Variants in FBXO36 observed in about 807,000 individuals in gnomAD.
FBXO36 encodes F-box only protein 36.
In FBXO36, 18 loss-of-function variants were observed where a neutral mutation model predicts 17.0. The observed-to-expected ratio is 1.06, with a 90% CI of 0.73 to 1.57. The LOEUF is 1.57. FBXO36 is among the 40% of genes most tolerant of loss of function. The pLI is 0.00. For synonymous variants in FBXO36, 83 were observed against 85.3 expected, an observed-to-expected ratio of 0.97 and a Z score of 0.15; for missense variants, 229 against 221.9, an observed-to-expected ratio of 1.03 and a Z score of -0.20.
chr2:229,956,159 C>CTCGATGACTTAAACAATAGAAATGTATTT (rs2077086235), intron 1 of FBXO36, among the ~76,000 whole-genome samples: 1 of 152,220 alleles, frequency 6.6e-6, no homozygotes, highest in Non-Finnish European at 1.5e-5. Flanking sequence ...CTGCCATAGA[C>CTCGATGACTTAAACAATAGAAATGTATTT]TCGATGACTT....
chr2:229,941,512 G>A (rs2076998639), intron 1 of FBXO36, among the ~76,000 whole-genome samples: 1 of 152,004 alleles, frequency 6.6e-6, no homozygotes, highest in Admixed American at 6.6e-5. Context: ...ATATAGCTGT[G>A]GGGAGTAGCT....
At chr2:229,965,318 G>A (rs998180364) in intron 1 of FBXO36, among the ~76,000 whole-genome samples, 9 of 149,298 alleles carry the variant, frequency 6.0e-5, no homozygotes, top group Admixed American at 2.7e-4. Flanking sequence ...TTTTCCTGGC[G>A]TGAGGCATGA....
chr2:229,951,636 G>A (rs1184888609), intron 1 of FBXO36, among the ~76,000 whole-genome samples: 1 of 152,202 alleles, frequency 6.6e-6, no homozygotes, highest in African/African-American at 2.4e-5. Context: ...AGGGAAAATC[G>A]ATCTGCTTTG....
At chr2:229,967,879 A>T (rs2077161535) in intron 1 of FBXO36, among the ~76,000 whole-genome samples, 1 of 152,144 alleles carries the variant, frequency 6.6e-6, no homozygotes, top group Non-Finnish European at 1.5e-5. Flanking sequence ...TATCAGGATG[A>T]TGCTGGCCTC....
At chr2:229,971,359 GAA>G (rs1265894585) in intron 1 of FBXO36, among the ~76,000 whole-genome samples, 6 of 88,316 alleles carry the variant, frequency 6.8e-5, no homozygotes, top group African/African-American at 1.3e-4. Context: ...CATCTCAAAA[GAA>G]AAAAAAAAAA....
intron 2 of FBXO36, among the ~76,000 whole-genome samples, chr2:229,984,402 A>AT (rs1156606572): frequency 1.3e-5 from 2 of 148,150 alleles, no homozygotes; most frequent in East Asian, 2.0e-4. Context: ...TTTTTTTTTT[A>AT]TTTTTTGAGT....
At chr2:229,968,612 C>T (rs541052270) in intron 1 of FBXO36, among the ~76,000 whole-genome samples, 2 of 152,136 alleles carry the variant, frequency 1.3e-5, no homozygotes, top group East Asian at 1.9e-4. Context: ...GGACTACAGG[C>T]GTGTGCTACC....
chr2:229,993,138 C>T (rs1429871008), intron 2 of FBXO36, among the ~76,000 whole-genome samples: 1 of 152,068 alleles, frequency 6.6e-6, no homozygotes, highest in Non-Finnish European at 1.5e-5. Flanking sequence ...CATATTTTAC[C>T]CCAAAACATG....
chr2:229,939,376 A>G (rs2076985188), intron 1 of FBXO36: 2 of 513,962 alleles, frequency 3.9e-6, no homozygotes, highest in African/African-American at 2.1e-5. Context: ...AAACTGTATT[A>G]AAGTATCTCT....
chr2:230,004,714 A>G (rs2077377828), intron 3 of FBXO36, among the ~76,000 whole-genome samples: 1 of 152,220 alleles, frequency 6.6e-6, no homozygotes, highest in Non-Finnish European at 1.5e-5. Flanking sequence ...CACTTTTAAA[A>G]TATCAGTACT....
At chr2:229,943,572 C>G (rs2077011281) in intron 1 of FBXO36, among the ~76,000 whole-genome samples, 1 of 151,642 alleles carries the variant, frequency 6.6e-6, no homozygotes, top group African/African-American at 2.4e-5. Flanking sequence ...AAAAAAAAAT[C>G]AAACCAAAAC....
intron 1 of FBXO36, among the ~76,000 whole-genome samples, chr2:229,939,590 G>A (rs1236416373): frequency 1.3e-5 from 2 of 151,934 alleles, no homozygotes; most frequent in Non-Finnish European, 2.9e-5. Context: ...CAGCCTGGGT[G>A]ACAGAGCGCG....
intron 1 of FBXO36, among the ~76,000 whole-genome samples, chr2:229,951,007 C>G (rs376234311): frequency 1.3e-5 from 2 of 152,252 alleles, no homozygotes; most frequent in Non-Finnish European, 2.9e-5. Flanking sequence ...GATCTTGGCT[C>G]GCTGCAACCT....
At chr2:229,939,058 GT>G (rs199897011) in intron 1 of FBXO36, 28,925 of 115,210 alleles carry the variant, frequency 0.25, 2,817 homozygotes, top group Middle Eastern at 0.38. Flanking sequence ...TTTGTTTTTT[GT>G]TTTTTTTTTT....
chr2:230,010,531 C>T (rs2077409978), intron 3 of FBXO36, among the ~76,000 whole-genome samples, 165 bp from the exon 4 acceptor site: 1 of 152,158 alleles, frequency 6.6e-6, no homozygotes, highest in Non-Finnish European at 1.5e-5. Flanking sequence ...TATATGTGCA[C>T]TTACATATTT....
At chr2:229,922,921 T>C (rs2076805391) in intron 1 of FBXO36, among the ~76,000 whole-genome samples, 1 of 152,162 alleles carries the variant, frequency 6.6e-6, no homozygotes, top group Admixed American at 6.5e-5. Context: ...AACGGGCGTC[T>C]CCGGCTTGCG....
chr2:229,979,350 GTA>G (rs553270363), intron 2 of FBXO36, among the ~76,000 whole-genome samples: 41 of 148,796 alleles, frequency 2.8e-4, no homozygotes, highest in South Asian at 1.1e-3. Context: ...TAGTGTGTGT[GTA>G]TATATATATA....
intron 1 of FBXO36, among the ~76,000 whole-genome samples, chr2:229,929,217 A>G (rs1489839259): frequency 6.6e-6 from 1 of 151,474 alleles, no homozygotes; most frequent in Non-Finnish European, 1.5e-5. Context: ...TACAGGCGTG[A>G]GCCACTGCAC....
chr2:230,004,059 C>G (rs2077373860), intron 3 of FBXO36, among the ~76,000 whole-genome samples: 1 of 152,376 alleles, frequency 6.6e-6, no homozygotes, highest in Non-Finnish European at 1.5e-5. Context: ...GGCCCTTGCC[C>G]TGCCTCCTGC....
Sources: allele counts gnomAD v4.1 joint callset (sites outside exome capture counted in the v4.1 genomes callset), GRCh38; gene constraint gnomAD v4.1.1; transcripts MANE v1.5; gene names NCBI Gene and HGNC (gene_info 2026-07-23, HGNC 2026-07-21).